C12orf54: variants seen among roughly 807,000 people sequenced by gnomAD.
The protein encoded by C12orf54 is chromosome 12 open reading frame 54.
Under a neutral mutation model 26.4 loss-of-function variants are expected in C12orf54, and 24 were observed. The ratio of observed to expected loss-of-function variants is 0.91; its 90% CI spans 0.66 to 1.28. The LOEUF is 1.28. Among genes scored for constraint, C12orf54 ranks in the 50% most tolerant of loss-of-function variants. C12orf54 has a pLI of 0.00. For missense variants in C12orf54, 154 were observed against 150.9 expected, an observed-to-expected ratio of 1.02 and a Z score of -0.11; for synonymous variants, 54 against 47.0, an observed-to-expected ratio of 1.15 and a Z score of -0.61.
chr12:48,494,696 A>G (rs1274593092), intron 7 of C12orf54, 102 bp from the exon 8 acceptor site: 2 of 1,233,724 alleles, frequency 1.6e-6, no homozygotes, highest in Non-Finnish European at 2.3e-6. Flanking sequence ...TTCTTGGGGG[A>G]GTGTAATAAT....
the C12orf54 span, among the ~76,000 whole-genome samples, chr12:48,424,275 T>C: frequency 1.3e-5 from 2 of 152,136 alleles, no homozygotes; most frequent in Non-Finnish European, 2.9e-5. Context: ...GTTTTGCATG[T>C]ATATTCATGA....
In C12orf54 at chr12:48,487,388, C is replaced by T. The variant is rs184959959; in HGVS notation, c.135+662C>T. Among the ~76,000 whole-genome samples the T allele has an allele frequency of 3.9e-5, 6 of 152,278 alleles. No individual in the cohort carries two copies. The East Asian group carries it at 1.2e-3, about 29-fold the overall frequency. ...TTCTGATTAAAATGAGTAAAATTCT[C>T]CAGAGCCTCTTGTGCCAGCCCCCAC... On this transcript the variant is annotated intron_variant, in intron 4 of 8. Coordinates refer to ENST00000548364, the MANE Select transcript of C12orf54 (RefSeq NM_152319.4).
At chr12:48,439,847 C>T in the C12orf54 span, among the ~76,000 whole-genome samples, 23 of 151,284 alleles carry the variant, frequency 1.5e-4, no homozygotes, top group Admixed American at 2.0e-4. Flanking sequence ...TGTATACATA[C>T]GTAATGAACC....
chr12:48,495,826 T>A (rs1386394359), intron 8 of C12orf54, among the ~76,000 whole-genome samples: 5 of 152,224 alleles, frequency 3.3e-5, no homozygotes, highest in African/African-American at 4.8e-5. Context: ...AGTATTTCCA[T>A]ATTTTATCAT....
At chr12:48,459,279 CTCTG>C in the C12orf54 span, among the ~76,000 whole-genome samples, 2 of 152,140 alleles carry the variant, frequency 1.3e-5, no homozygotes, top group Non-Finnish European at 2.9e-5. Context: ...TATTCCAGTC[CTCTG>C]TCTGAGCACA....
the C12orf54 span, among the ~76,000 whole-genome samples, chr12:48,474,651 G>A: frequency 2.6e-5 from 4 of 152,348 alleles, no homozygotes; most frequent in African/African-American, 9.6e-5. Context: ...TGCTAGCACA[G>A]CAGTCCGAGA....
the C12orf54 span, chr12:48,473,683 A>G: frequency 4.4e-6 from 1 of 226,390 alleles, no homozygotes; most frequent in Non-Finnish European, 8.8e-6. Context: ...GCAATAGTTA[A>G]GTACACACTA....
chr12:48,428,922 G>C, the C12orf54 span, among the ~76,000 whole-genome samples: 2 of 152,000 alleles, frequency 1.3e-5, no homozygotes, highest in Admixed American at 1.3e-4. Context: ...CCTTAACAAA[G>C]TGCAAGCTAA....
the C12orf54 span, among the ~76,000 whole-genome samples, chr12:48,431,014 G>T: frequency 2.6e-5 from 4 of 152,202 alleles, no homozygotes; most frequent in African/African-American, 9.6e-5. Flanking sequence ...GGGTGAGACT[G>T]GAGACTATTA....
the C12orf54 span, among the ~76,000 whole-genome samples, chr12:48,428,180 G>A: frequency 6.6e-6 from 1 of 152,144 alleles, no homozygotes; most frequent in Non-Finnish European, 1.5e-5. Context: ...GCAGTCCTAA[G>A]AGGAAAGTTC....
the C12orf54 span, among the ~76,000 whole-genome samples, chr12:48,439,201 C>T: frequency 6.6e-6 from 1 of 152,164 alleles, no homozygotes; most frequent in South Asian, 2.1e-4. Flanking sequence ...CAATGAGATA[C>T]CATCTCACAC....
chr12:48,462,270 A>G, the C12orf54 span, among the ~76,000 whole-genome samples: 1 of 151,776 alleles, frequency 6.6e-6, no homozygotes, highest in South Asian at 2.1e-4. Flanking sequence ...ACCTTTCTAT[A>G]AAGAAAAATT....
chr12:48,481,201 T>G (rs928586611), upstream of C12orf54, among the ~76,000 whole-genome samples: 10 of 100,064 alleles, frequency 1.0e-4, no homozygotes, highest in Non-Finnish European at 9.1e-5. Flanking sequence ...AAAAATAGAG[T>G]TTTTTTTTTA....
At chr12:48,489,518 C>T (rs1303255451) in intron 5 of C12orf54, among the ~76,000 whole-genome samples, 4 of 152,144 alleles carry the variant, frequency 2.6e-5, no homozygotes, top group Admixed American at 6.5e-5. Flanking sequence ...CTCTGGCTCC[C>T]GGGTTCAAGT....
chr12:48,427,974 C>T, the C12orf54 span, among the ~76,000 whole-genome samples: 3 of 152,062 alleles, frequency 2.0e-5, no homozygotes, highest in Admixed American at 1.3e-4. Flanking sequence ...CAAACTCTCT[C>T]TCAGACCACA....
At chr12:48,455,350 A>G in the C12orf54 span, among the ~76,000 whole-genome samples, 2 of 152,164 alleles carry the variant, frequency 1.3e-5, no homozygotes, top group Non-Finnish European at 2.9e-5. Flanking sequence ...TCCACTGTTA[A>G]TGGGCATCTA....
At chr12:48,417,571 ATT>A in the C12orf54 span, among the ~76,000 whole-genome samples, 1 of 152,030 alleles carries the variant, frequency 6.6e-6, no homozygotes, top group Non-Finnish European at 1.5e-5. Flanking sequence ...CTTTCAAAAA[ATT>A]TTTTTTATAA....
Position 48,491,550 on chromosome 12 carries a change from G to A in C12orf54, c.193+714G>A, listed in dbSNP as rs147319728. Among the ~76,000 whole-genome samples, 80 of 152,234 alleles carry A rather than the reference G, an allele frequency of 5.3e-4. 1 individual carries two copies. The highest frequency in any genetic ancestry group is 1.5e-3 in the African/African-American group (64 of 41,536). On this transcript the variant is annotated intron_variant, in intron 6 of 8. Coordinates refer to ENST00000548364, the MANE Select transcript of C12orf54 (RefSeq NM_152319.4). ...GGGCCTGAGAACACTCTCATGCCTC[G>A]GCTAGATATGATTCTTGTCTGTAAA...
the C12orf54 span, among the ~76,000 whole-genome samples, chr12:48,467,839 T>C: frequency 6.6e-6 from 1 of 152,144 alleles, no homozygotes; most frequent in African/African-American, 2.4e-5. Context: ...AGTCTAAATT[T>C]AGTCTTTTGT....
Sources: gnomAD v4.1 joint callset for allele counts (sites outside exome capture counted in the v4.1 genomes callset) on GRCh38, gnomAD v4.1.1 for gene constraint, MANE v1.5 for transcripts, NCBI Gene and HGNC (gene_info 2026-07-23, HGNC 2026-07-21) for gene names.